FUT8: variants seen among roughly 807,000 people sequenced by gnomAD.
FUT8 encodes the protein alpha-(1,6)-fucosyltransferase.
A neutral mutation model predicts 71.3 loss-of-function variants in FUT8; 29 were observed. The ratio of observed to expected loss-of-function variants is 0.41; its 90% CI spans 0.30 to 0.55. The LOEUF (loss-of-function observed/expected upper bound fraction) is 0.55, where lower values mean the gene tolerates loss of function less well. FUT8 is among the 20% of genes least tolerant of loss of function. FUT8 has a pLI of 0.34. For missense variants in FUT8, 544 were observed against 702.1 expected, an observed-to-expected ratio of 0.77 and a Z score of 2.55; for synonymous variants, 254 against 239.3, an observed-to-expected ratio of 1.06 and a Z score of -0.57.
At chr14:65,423,662 CTCTT>C (rs1402833512) in intron 1 of FUT8, among the ~76,000 whole-genome samples, 1 of 152,190 alleles carries the variant, frequency 6.6e-6, no homozygotes, top group Non-Finnish European at 1.5e-5. Context: ...AAAGCCAAAA[CTCTT>C]TCTAAAATTA....
At chr14:65,524,556 G>A (rs559312386) in intron 2 of FUT8, among the ~76,000 whole-genome samples, 96 of 152,166 alleles carry the variant, frequency 6.3e-4, no homozygotes, top group African/African-American at 2.2e-3. Flanking sequence ...TCAATTGAAT[G>A]CCCTTTATTT....
chr14:65,625,346 G>A (rs1889844383), intron 5 of FUT8, among the ~76,000 whole-genome samples: 1 of 152,130 alleles, frequency 6.6e-6, no homozygotes, highest in African/African-American at 2.4e-5. Flanking sequence ...CATACAGATA[G>A]TGACTTTCCC....
chr14:65,556,967 C>T (rs1056706990), intron 2 of FUT8, among the ~76,000 whole-genome samples: 1 of 152,208 alleles, frequency 6.6e-6, no homozygotes, highest in Non-Finnish European at 1.5e-5. Flanking sequence ...AGTCTAGACA[C>T]TGCTGATTCT....
chr14:65,561,893 A>C (rs954464612), intron 3 of FUT8, 127 bp downstream of exon 3: 13 of 762,974 alleles, frequency 1.7e-5, no homozygotes, highest in Middle Eastern at 3.0e-4. Context: ...ACAACTTAGC[A>C]TGACAGTTTT....
chr14:65,430,227 C>G (rs907083927), intron 1 of FUT8: 2 of 150,830 alleles, frequency 1.3e-5, no homozygotes, highest in African/African-American at 4.9e-5. Flanking sequence ...GACAGGGTTT[C>G]TCTGTGTTGC....
chr14:65,538,135 C>T (rs533925279), intron 2 of FUT8, among the ~76,000 whole-genome samples: 1 of 152,320 alleles, frequency 6.6e-6, no homozygotes, highest in Non-Finnish European at 1.5e-5. Flanking sequence ...GTGTCCCTGG[C>T]TGTGCTCCAC....
chr14:65,432,407 TA>T (rs780787821), intron 1 of FUT8, among the ~76,000 whole-genome samples: 4,821 of 141,780 alleles, frequency 0.034, 123 homozygotes, highest in Non-Finnish European at 0.053. Context: ...TTTTTTTTTT[TA>T]AATTATTGGC....
chr14:65,713,267 A>C (rs763601737), intron 7 of FUT8, among the ~76,000 whole-genome samples: 1 of 152,166 alleles, frequency 6.6e-6, no homozygotes, highest in Non-Finnish European at 1.5e-5. Flanking sequence ...ATAGTACTAC[A>C]TTGTGTATAT....
intron 3 of FUT8, among the ~76,000 whole-genome samples, chr14:65,595,602 CTTTTTTTTTTTT>C (rs34129010): frequency 2.4e-5 from 2 of 81,724 alleles, no homozygotes; most frequent in Admixed American, 1.7e-4. Flanking sequence ...ACACCATTCT[CTTTTTTTTTTTT>C]TTTTTTTTTT....
intron 5 of FUT8, among the ~76,000 whole-genome samples, chr14:65,622,359 T>C (rs2140243728): frequency 6.6e-6 from 1 of 152,342 alleles, no homozygotes; most frequent in East Asian, 1.9e-4. Context: ...TGACACATTA[T>C]AGATTCTAGT....
intron 7 of FUT8, among the ~76,000 whole-genome samples, chr14:65,678,896 A>G (rs1167264061): frequency 1.3e-5 from 2 of 152,234 alleles, no homozygotes; most frequent in African/African-American, 2.4e-5. Flanking sequence ...AAGGAGCTAC[A>G]TAATGCCAGA....
At chr14:65,412,429 C>T (rs1339405249), upstream of FUT8, 40 of 434,224 alleles carry the variant, frequency 9.2e-5, 4 homozygotes, top group Admixed American at 9.7e-4. Flanking sequence ...AGTCTCCTCC[C>T]GGGATCCAGG....
rs1270954306 is a variant in FUT8 at position 65,483,852 on chromosome 14, C to T, written c.-228+28134C>T. On this transcript the variant is annotated intron_variant, in intron 2 of 10. Coordinates refer to ENST00000673929, the MANE Select transcript of FUT8 (RefSeq NM_001371533.1). The surrounding 1 kb of genome is among the most constrained non-coding windows in gnomAD (Gnocchi z 4.4). ...GTTTCAAGTGATTCTTCTGACTCAG[C>T]CTCCTGAGTAGCTGAGATTGCTCAG... Among the ~76,000 whole-genome samples, 1 of 151,990 alleles carries T rather than the reference C, an allele frequency of 6.6e-6. No homozygotes were observed. Among genetic ancestry groups the T allele is most frequent in the Non-Finnish European group, 1.5e-5 (1 of 67,992 alleles).
At chr14:65,479,553 C>T (rs1319021485) in intron 2 of FUT8, among the ~76,000 whole-genome samples, 1 of 151,950 alleles carries the variant, frequency 6.6e-6, no homozygotes, top group Non-Finnish European at 1.5e-5. Context: ...TCCCTCCTTC[C>T]CTTTCTTCTT....
At chr14:65,700,754 T>C (rs1332134004) in intron 7 of FUT8, among the ~76,000 whole-genome samples, 1 of 152,226 alleles carries the variant, frequency 6.6e-6, no homozygotes, top group African/African-American at 2.4e-5. Flanking sequence ...GAACACATTC[T>C]TGAACCCCCA....
At chr14:65,701,490 C>T (rs957719012) in intron 7 of FUT8, among the ~76,000 whole-genome samples, 3 of 152,120 alleles carry the variant, frequency 2.0e-5, no homozygotes, top group African/African-American at 4.8e-5. Flanking sequence ...TTAGAAAATA[C>T]GACTGTCACA....
intron 2 of FUT8, among the ~76,000 whole-genome samples, chr14:65,490,605 T>A (rs903419965): frequency 6.6e-6 from 1 of 152,174 alleles, no homozygotes; most frequent in South Asian, 2.1e-4. Context: ...TGACTTCATC[T>A]GAAAACAAAT....
intron 3 of FUT8, among the ~76,000 whole-genome samples, chr14:65,611,285 ACACACACACACACACACC>A (rs1566851506): frequency 0.014 from 615 of 42,474 alleles, 90 homozygotes; most frequent in African/African-American, 0.022. Context: ...ACACACACAC[ACACACACACACACACACC>A]CCCCAAGTAA....
intron 6 of FUT8, among the ~76,000 whole-genome samples, chr14:65,667,874 C>T (rs1387140462): frequency 6.6e-6 from 1 of 151,974 alleles, no homozygotes; most frequent in Non-Finnish European, 1.5e-5. Context: ...CAAAAACAGA[C>T]ATATAGACCA....
Sources: gnomAD v4.1 joint callset for allele counts (sites outside exome capture counted in the v4.1 genomes callset) on GRCh38, gnomAD v4.1.1 for gene constraint, Gnocchi (gnomAD v3.1) non-coding constraint, MANE v1.5 for transcripts, NCBI Gene and HGNC (gene_info 2026-07-23, HGNC 2026-07-21) for gene names.